Variants in NOL10 observed in about 807,000 individuals in gnomAD.
NOL10 encodes the protein H_NH0074G24.1.
In NOL10, 58 loss-of-function variants were observed where a neutral mutation model predicts 103.5. The observed-to-expected ratio is 0.56, with a 90% CI of 0.45 to 0.70. The LOEUF is 0.70. NOL10 is among the 30% of genes least tolerant of loss of function. The pLI is 0.00. For missense variants in NOL10, 763 were observed against 807.3 expected, an observed-to-expected ratio of 0.95 and a Z score of 0.67; for synonymous variants, 287 against 282.5, an observed-to-expected ratio of 1.02 and a Z score of -0.16.
chr2:10,637,721 A>T (rs1371883703), intron 13 of NOL10, among the ~76,000 whole-genome samples: 1 of 152,154 alleles, frequency 6.6e-6, no homozygotes, highest in East Asian at 1.9e-4. Flanking sequence ...TTCTTAACAC[A>T]TAGTGTCCTC....
chr2:10,590,554 GCTGAGTTACTGGGAAA>G lies in NOL10; in HGVS notation c.1423-819_1423-804del, dbSNP rs1675340711. Among the ~76,000 whole-genome samples the G allele has an allele frequency of 7.4e-5, 7 of 94,926 alleles. No homozygotes were observed. The East Asian group carries it at 1.9e-3, about 26-fold the overall frequency. The allele number at this position is 94,926 out of a possible 152,430, so 62.3% of individuals were successfully genotyped here. ...TGGTGATGTCAGTTTACCGATTCCA[GCTGAGTTACTGGGAAA>G]CAGAAGGGACGTTTCCATCCCCTAC... On this transcript the variant is annotated intron_variant, in intron 17 of 20. Transcript: ENST00000381685.
At chr2:10,621,517 C>G (rs138530250) in intron 13 of NOL10, among the ~76,000 whole-genome samples, 3 of 152,072 alleles carry the variant, frequency 2.0e-5, no homozygotes. Context: ...TCACTTGAAC[C>G]CCGGAATTCA....
intron 11 of NOL10, 113 bp from the exon 12 acceptor site, chr2:10,654,660 C>A: frequency 1.9e-6 from 1 of 522,102 alleles, no homozygotes; most frequent in South Asian, 3.6e-5. Context: ...AATAAAATAG[C>A]CTACTTCAAA....
chr2:10,596,219 G>C (rs572962033), intron 17 of NOL10, among the ~76,000 whole-genome samples: 1 of 127,796 alleles, frequency 7.8e-6, no homozygotes, highest in East Asian at 2.7e-4. Context: ...TGGCACCAGG[G>C]ACTAGTTTCG....
chr2:10,607,750 T>TTTTTTATTA (rs70953321), intron 13 of NOL10, among the ~76,000 whole-genome samples: 4,488 of 144,696 alleles, frequency 0.031, 176 homozygotes, highest in African/African-American at 0.089. Context: ...AAAAACAATA[T>TTTTTTATTA]TTATTATTAT....
At chr2:10,592,700 C>CAT (rs1675453804) in intron 17 of NOL10, among the ~76,000 whole-genome samples, 1 of 152,138 alleles carries the variant, frequency 6.6e-6, no homozygotes, top group Non-Finnish European at 1.5e-5. Context: ...ACAAAGACTA[C>CAT]ATATGTTGCT....
At chr2:10,627,875 C>G (rs79344453) in intron 13 of NOL10, among the ~76,000 whole-genome samples, 1 of 144,186 alleles carries the variant, frequency 6.9e-6, no homozygotes. Context: ...TATACATGTA[C>G]CCCCTGAATC....
chr2:10,638,483 CTTTTTTTTTTTTTTTTTT>C (rs869294782), intron 13 of NOL10, among the ~76,000 whole-genome samples: 8 of 77,780 alleles, frequency 1.0e-4, no homozygotes, highest in African/African-American at 3.7e-4. Flanking sequence ...GCTGAATTCC[CTTTTTTTTTTTTTTTTTT>C]TTTTTTTTGA....
chr2:10,632,334 G>A (rs1006702540), intron 13 of NOL10, among the ~76,000 whole-genome samples: 1 of 152,198 alleles, frequency 6.6e-6, no homozygotes, highest in African/African-American at 2.4e-5. Flanking sequence ...GAGCCATATG[G>A]TCTCTGTCAC....
intron 11 of NOL10, 53 bp downstream of exon 11, chr2:10,657,689 A>G (rs1679930969): frequency 6.8e-7 from 1 of 1,468,348 alleles, no homozygotes; most frequent in Non-Finnish European, 9.3e-7. Flanking sequence ...GGAAAGGATC[A>G]TTCGGAACAC....
At chr2:10,658,372 T>G (rs1679982752) in intron 10 of NOL10, among the ~76,000 whole-genome samples, 1 of 152,152 alleles carries the variant, frequency 6.6e-6, no homozygotes, top group Admixed American at 6.5e-5. Flanking sequence ...CCCCTAGGAT[T>G]AAGTCCCAGG....
intron 12 of NOL10, among the ~76,000 whole-genome samples, chr2:10,652,310 A>G (rs1316945858): frequency 3.3e-5 from 5 of 151,996 alleles, no homozygotes; most frequent in African/African-American, 1.2e-4. Context: ...GCTGGGTTCT[A>G]AATGAGGCTC....
At chr2:10,616,024 C>A (rs1046855048) in intron 13 of NOL10, among the ~76,000 whole-genome samples, 1 of 152,070 alleles carries the variant, frequency 6.6e-6, no homozygotes, top group African/African-American at 2.4e-5. Flanking sequence ...CCCTGGAATG[C>A]CAAAGTCAAG....
At chr2:10,627,129 A>C (rs1162071377) in intron 13 of NOL10, among the ~76,000 whole-genome samples, 2 of 152,222 alleles carry the variant, frequency 1.3e-5, no homozygotes, top group Non-Finnish European at 2.9e-5. Context: ...AGTCACAAAC[A>C]ACTTGTTTGT....
At chr2:10,611,690 C>T (rs561880967) in intron 13 of NOL10, among the ~76,000 whole-genome samples, 24 of 152,140 alleles carry the variant, frequency 1.6e-4, no homozygotes, top group Middle Eastern at 3.4e-3. Flanking sequence ...CTGAGGTGGG[C>T]GGATCGCCTG....
intron 13 of NOL10, among the ~76,000 whole-genome samples, chr2:10,619,017 A>G (rs1429621888): frequency 6.6e-6 from 1 of 152,266 alleles, no homozygotes; most frequent in African/African-American, 2.4e-5. Flanking sequence ...ACGGAGGTTT[A>G]TAAACTTTGA....
chr2:10,654,860 T>TA (rs550593686), intron 11 of NOL10, among the ~76,000 whole-genome samples: 107 of 151,680 alleles, frequency 7.1e-4, no homozygotes, highest in African/African-American at 2.4e-3. Flanking sequence ...GCATCAACTT[T>TA]AAAAAAAAAT....
intron 3 of NOL10, among the ~76,000 whole-genome samples, chr2:10,679,282 C>T (rs1013142612): frequency 1.3e-5 from 2 of 151,508 alleles, no homozygotes; most frequent in African/African-American, 4.9e-5. Flanking sequence ...TCACTTGAAC[C>T]CAGGAGGCAG....
At chr2:10,625,598 G>A (rs1200257631) in intron 13 of NOL10, among the ~76,000 whole-genome samples, 1 of 152,104 alleles carries the variant, frequency 6.6e-6, no homozygotes, top group Non-Finnish European at 1.5e-5. Context: ...TAATCCAAAT[G>A]AGGATTTGTG....
Sources: allele counts gnomAD v4.1 joint callset (sites outside exome capture counted in the v4.1 genomes callset), GRCh38; gene constraint gnomAD v4.1.1; transcripts MANE v1.5; gene names NCBI Gene and HGNC (gene_info 2026-07-23, HGNC 2026-07-21).